The following WWOX variants were observed in gnomAD, a reference collection of about 807,000 sequenced individuals.
WWOX encodes WW domain-containing oxidoreductase.
A neutral mutation model predicts 46.2 loss-of-function variants in WWOX; 69 were observed. The observed-to-expected ratio is 1.49, with a 90% CI of 1.23 to 1.82. The LOEUF (loss-of-function observed/expected upper bound fraction) is 1.82. Ranked by LOEUF, WWOX falls within the 40% of genes most tolerant of loss-of-function variation. WWOX has a pLI of 0.00. For missense variants in WWOX, 919 were observed against 542.6 expected, an observed-to-expected ratio of 1.69 and a Z score of -6.89; for synonymous variants, 359 against 202.6, an observed-to-expected ratio of 1.77 and a Z score of -6.56.
intron 5 of WWOX, among the ~76,000 whole-genome samples, chr16:78,359,430 A>T (rs188549280): frequency 2.6e-5 from 4 of 152,154 alleles, no homozygotes; most frequent in African/African-American, 9.7e-5. Context: ...AGAGCCCCCA[A>T]ATTGCTGTAA....
intron 8 of WWOX, among the ~76,000 whole-genome samples, chr16:78,924,709 T>A (rs74032437): frequency 0.19 from 28,987 of 152,214 alleles, 2,911 homozygotes; most frequent in East Asian, 0.33. Flanking sequence ...CATTAATACC[T>A]TGAATAAGTT....
intron 8 of WWOX, among the ~76,000 whole-genome samples, chr16:78,508,883 G>A (rs2085285317): frequency 6.6e-6 from 1 of 152,192 alleles, no homozygotes; most frequent in Non-Finnish European, 1.5e-5. Context: ...CTCTTTTCAG[G>A]AATGCAGATA....
chr16:78,828,722 G>C lies in WWOX; in HGVS notation c.1057-382886G>C, dbSNP rs375830826. Among the ~76,000 whole-genome samples the C allele has an allele frequency of 9.2e-5, 14 of 152,148 alleles. No homozygotes were observed. The East Asian group carries it at 2.5e-3, about 27-fold the overall frequency. ...CAGGGAACTGTATTAATCGTAGTTA[G>C]CAATATCGTCTCTAGTCCTCCAACC... is the stretch of plus-strand genomic sequence containing the variant. On this transcript the variant is annotated intron_variant, in intron 8 of 8. Transcript: ENST00000566780.
chr16:78,360,787 C>T (rs1332696161), intron 5 of WWOX, among the ~76,000 whole-genome samples: 1 of 151,238 alleles, frequency 6.6e-6, no homozygotes, highest in East Asian at 1.9e-4. Context: ...CAGGATGCCA[C>T]ATTATATTTA....
Position 78,981,324 on chromosome 16 carries a change from T to TG in WWOX, c.1057-230276dup, listed in dbSNP as rs199846748. Among the ~76,000 whole-genome samples the TG allele has an allele frequency of 2.0e-3, 294 of 149,208 alleles. 1 individual carries two copies. Among genetic ancestry groups the TG allele is most frequent in the East Asian group, 7.5e-3 (38 of 5,070 alleles). On this transcript the variant is annotated intron_variant, in intron 8 of 8. Transcript: ENST00000566780. ...TACGGGAATAACCAAAAATGCTGGG[T>TG]GGGGGGGGAAAACGCCAGCAGATCT...
chr16:78,877,855 A>G (rs1017765627), intron 8 of WWOX, among the ~76,000 whole-genome samples: 8 of 152,196 alleles, frequency 5.3e-5, no homozygotes, highest in Non-Finnish European at 1.2e-4. Flanking sequence ...TTTTATATAC[A>G]TTTTATAGCT....
At chr16:79,133,555 T>C (rs1040317980) in intron 8 of WWOX, among the ~76,000 whole-genome samples, 1 of 152,200 alleles carries the variant, frequency 6.6e-6, no homozygotes, top group Non-Finnish European at 1.5e-5. Flanking sequence ...TTTTCCTTCA[T>C]TCTGTTTCTT....
intron 5 of WWOX, chr16:78,355,671 A>G (rs1416016122): frequency 5.5e-6 from 4 of 729,710 alleles, no homozygotes; most frequent in Non-Finnish European, 9.4e-6. Flanking sequence ...TATGATCAAC[A>G]TTTAAATATG....
At chr16:78,645,052 A>T (rs2142125815) in intron 8 of WWOX, among the ~76,000 whole-genome samples, 1 of 152,336 alleles carries the variant, frequency 6.6e-6, no homozygotes, top group Admixed American at 6.5e-5. Flanking sequence ...GTTGGGTTGC[A>T]TTGCATAGTT....
intron 8 of WWOX, among the ~76,000 whole-genome samples, chr16:78,864,270 A>ATT (rs35719471): frequency 3.3e-4 from 48 of 146,218 alleles, no homozygotes; most frequent in Admixed American, 5.5e-4. Context: ...TACTTTACAG[A>ATT]TTTTTTTTTT....
chr16:78,804,074 A>G (rs1033900818), intron 8 of WWOX, among the ~76,000 whole-genome samples: 1 of 152,106 alleles, frequency 6.6e-6, no homozygotes, highest in Non-Finnish European at 1.5e-5. Context: ...CCTCTCCTTC[A>G]TTCCCAACCA....
At chr16:78,148,497 C>G (rs2034285020) in intron 4 of WWOX, among the ~76,000 whole-genome samples, 1 of 151,082 alleles carries the variant, frequency 6.6e-6, no homozygotes, top group African/African-American at 2.4e-5. Context: ...GTCTCTGCCT[C>G]TAAAAAGCTC....
chr16:78,260,423 G>A (rs370704320), intron 5 of WWOX, among the ~76,000 whole-genome samples: 1 of 151,752 alleles, frequency 6.6e-6, no homozygotes, highest in East Asian at 1.9e-4. Context: ...CCAGCACTTT[G>A]GGAGGCCAAG....
intron 7 of WWOX, among the ~76,000 whole-genome samples, chr16:78,431,742 G>T: frequency 6.6e-6 from 1 of 150,796 alleles, no homozygotes; most frequent in African/African-American, 2.4e-5. Context: ...TAGATATGGG[G>T]GTCTCACTCT....
intron 8 of WWOX, among the ~76,000 whole-genome samples, chr16:78,494,660 G>T (rs2084866741): frequency 6.6e-6 from 1 of 152,120 alleles, no homozygotes; most frequent in Admixed American, 6.5e-5. Flanking sequence ...GATTTTGCAT[G>T]GTTCTGGCTT....
In WWOX at chr16:78,910,560, G is replaced by A. The variant is rs189868228; in HGVS notation, c.1057-301048G>A. On this transcript the variant is annotated intron_variant, in intron 8 of 8. Transcript: ENST00000566780. ...TGTATGAGTCTTTTCTCATACTACTGAGAAAGACATACCCAAGACTGAGTA... is the reference window on the plus strand; with the variant it reads ...TGTATGAGTCTTTTCTCATACTACTAAGAAAGACATACCCAAGACTGAGTA... Among the ~76,000 whole-genome samples, 3 of 150,892 alleles carry A rather than the reference G, an allele frequency of 2.0e-5. No homozygotes were observed. In the East Asian group the frequency reaches 5.8e-4, roughly 29 times the overall value.
chr16:78,743,363 A>C (rs2049275956), intron 8 of WWOX, among the ~76,000 whole-genome samples: 1 of 152,152 alleles, frequency 6.6e-6, no homozygotes. Context: ...ATTGATTCTC[A>C]AACAGAATCT....
intron 8 of WWOX, among the ~76,000 whole-genome samples, chr16:78,555,542 A>G (rs923353153): frequency 6.7e-6 from 1 of 149,852 alleles, no homozygotes; most frequent in Non-Finnish European, 1.5e-5. Flanking sequence ...CATCAAGGTA[A>G]TATATGCAGG....
At chr16:79,096,009 C>A (rs1423190058) in intron 8 of WWOX, among the ~76,000 whole-genome samples, 4 of 126,262 alleles carry the variant, frequency 3.2e-5, no homozygotes, top group Non-Finnish European at 4.9e-5. Context: ...GCTGCCACAC[C>A]CGGATAATTT....
Sources: gnomAD v4.1 joint callset for allele counts (sites outside exome capture counted in the v4.1 genomes callset) on GRCh38, gnomAD v4.1.1 for gene constraint, MANE v1.5 for transcripts, NCBI Gene and HGNC (gene_info 2026-07-23, HGNC 2026-07-21) for gene names.